Variants in C6 observed in about 807,000 individuals in gnomAD.
The protein encoded by C6 is complement component C6.
Under a neutral mutation model 112.9 loss-of-function variants are expected in C6, and 101 were observed. The ratio of observed to expected loss-of-function variants is 0.89; its 90% CI spans 0.76 to 1.06. The LOEUF (loss-of-function observed/expected upper bound fraction) is 1.06, where lower values mean the gene tolerates loss of function less well. C6 is among the 50% of genes least tolerant of loss of function. The pLI, the probability that C6 is intolerant of heterozygous loss-of-function variation, is 0.00. For synonymous variants in C6, 431 were observed against 384.1 expected, an observed-to-expected ratio of 1.12 and a Z score of -1.43; for missense variants, 1,202 against 1,104.6, an observed-to-expected ratio of 1.09 and a Z score of -1.25.
chr5:41,176,867 T>C, intron 7 of C6, 152 bp from the exon 8 acceptor site: 2 of 799,816 alleles, frequency 2.5e-6, no homozygotes, highest in Non-Finnish European at 3.9e-6. Flanking sequence ...CGTACAAAAT[T>C]ATAATTTTCA....
intron 17 of C6, among the ~76,000 whole-genome samples, chr5:41,149,013 T>C (rs1746115790): frequency 6.6e-6 from 1 of 152,174 alleles, no homozygotes; most frequent in African/African-American, 2.4e-5. Context: ...ACTGATTACA[T>C]ATGCATAGAG....
chr5:41,254,167 C>T (rs974884605), intron 1 of C6, among the ~76,000 whole-genome samples: 2 of 152,088 alleles, frequency 1.3e-5, no homozygotes, highest in African/African-American at 2.4e-5. Context: ...TTTGGGAGGC[C>T]GAGGTGGGTG....
chr5:41,215,866 C>T (rs759685504), upstream of C6, among the ~76,000 whole-genome samples: 3 of 152,070 alleles, frequency 2.0e-5, no homozygotes, highest in Non-Finnish European at 4.4e-5. Flanking sequence ...ACAATGGAAG[C>T]TGCTATCTGA....
chr5:41,201,782 G>C, intron 2 of C6, 68 bp from the exon 3 acceptor site: 1 of 1,343,908 alleles, frequency 7.4e-7, no homozygotes, highest in Non-Finnish European at 1.1e-6. Context: ...CATAATCAAA[G>C]TATCATTGAG....
rs778000002 is a variant in C6, at chr5:41,160,327, G to A, written c.1499C>T (p.Ala500Val). The change falls in exon 11 of 18, where the codon GCA becomes GTA. Residue 500 changes from alanine to valine, a missense_variant. Transcript: ENST00000337836. ...CCTGAGGTTGTTCCGTTTTGTCACTGCACAGGGGATGTTTCTTACCAAGTC... is the reference window on the plus strand; with the variant it reads ...CCTGAGGTTGTTCCGTTTTGTCACTACACAGGGGATGTTTCTTACCAAGTC... ...IVDLVRNIPC[A>V]VTKRNNLRKA... 1.2e-6 allele frequency: 2 copies of A among 1,613,812 alleles called. No individual in the cohort carries two copies. The highest frequency in any genetic ancestry group is 1.7e-6 in the Non-Finnish European group (2 of 1,179,818).
chr5:41,192,147 A>G (rs1750265278), intron 5 of C6, among the ~76,000 whole-genome samples: 1 of 152,176 alleles, frequency 6.6e-6, no homozygotes, highest in African/African-American at 2.4e-5. Context: ...TTCCACAACT[A>G]TTGAGGTGAT....
upstream of C6, among the ~76,000 whole-genome samples, chr5:41,214,683 G>A (rs899037325): frequency 2.0e-5 from 3 of 152,118 alleles, no homozygotes; most frequent in Admixed American, 1.3e-4. Context: ...AAGAATATAT[G>A]TCATTTAATT....
intron 1 of C6, among the ~76,000 whole-genome samples, chr5:41,204,671 T>TTTTC (rs1236402524): frequency 9.0e-6 from 1 of 110,964 alleles, no homozygotes; most frequent in African/African-American, 4.8e-5. Flanking sequence ...TTTTTTTTTC[T>TTTTC]TTTTTTTTTT....
intron 1 of C6, among the ~76,000 whole-genome samples, chr5:41,209,621 T>A (rs1234496219): frequency 1.3e-5 from 2 of 152,144 alleles, no homozygotes; most frequent in South Asian, 4.1e-4. Context: ...TCACAATTGC[T>A]TCAAAGAGAA....
chr5:41,194,198 C>T (rs768903524), intron 5 of C6, among the ~76,000 whole-genome samples: 19 of 152,142 alleles, frequency 1.2e-4, no homozygotes, highest in Non-Finnish European at 2.4e-4. Context: ...AGAAGGAAAC[C>T]ATTTCTGCAC....
intron 9 of C6, among the ~76,000 whole-genome samples, chr5:41,162,828 G>A (rs73750298): frequency 0.022 from 3,285 of 152,172 alleles, 127 homozygotes; most frequent in African/African-American, 0.074. Flanking sequence ...CACAACACAG[G>A]TATAAGGCGT....
intron 8 of C6, 22 bp downstream of exon 8, chr5:41,176,453 A>G (rs998213399): frequency 5.0e-6 from 8 of 1,611,720 alleles, no homozygotes; most frequent in Non-Finnish European, 6.8e-6. Flanking sequence ...AGTTAAAAAG[A>G]GTGAGGACTG....
intron 1 of C6, among the ~76,000 whole-genome samples, chr5:41,243,022 G>C (rs992144448): frequency 3.9e-5 from 6 of 152,272 alleles, no homozygotes; most frequent in Non-Finnish European, 5.9e-5. Context: ...GAAGATAATG[G>C]ATAAAGTATA....
rs775236328 is a variant in C6, at chr5:41,161,785, C to T, written c.1366G>A (p.Ala456Thr). ...AGACCAGAGCTCCCTTTCTCCCATGCCAAAGCTGCTCCATATTCACTCCTT... is the reference window on the plus strand; with the variant it reads ...AGACCAGAGCTCCCTTTCTCCCATGTCAAAGCTGCTCCATATTCACTCCTT... ...GGRSEYGAAL[A>T]WEKGSSGLEE... The change falls in exon 10 of 18, where the codon GCA becomes ACA. Residue 456 changes from alanine (A) to threonine (T), a missense_variant. By Grantham distance (58) the Ala-to-Thr change is moderately conservative (BLOSUM62 0). Transcript: ENST00000337836. The T allele has an allele frequency of 1.1e-5, 18 of 1,613,546 alleles. No individual in the cohort carries two copies. The East Asian group carries it at 4.0e-4, about 36-fold the overall frequency.
chr5:41,171,568 G>A (rs1390860481), intron 9 of C6, among the ~76,000 whole-genome samples: 2 of 152,136 alleles, frequency 1.3e-5, no homozygotes, highest in African/African-American at 4.8e-5. Flanking sequence ...TGTCTGGGTT[G>A]GGGATTGGGA....
Position 41,158,710 on chromosome 5 carries a change from A to G in C6, c.1932T>C (p.Cys644=). The change falls in exon 13 of 18, where the codon TGT becomes TGC. Residue 644 remains cysteine, a synonymous_variant. Coordinates refer to ENST00000337836, the MANE Select transcript of C6 (RefSeq NM_000065.5). ...CATTTTCTGGAGGAACTGGCTGAGGACACCCGGAATCTGCTTCTATCTCAG... is the reference window on the plus strand; with the variant it reads ...CATTTTCTGGAGGAACTGGCTGAGGGCACCCGGAATCTGCTTCTATCTCAG... The part of the protein sequence containing the change: ...DLPEIEADSG[C]PQPVPPENGF... The G allele has an allele frequency of 6.2e-7, 1 of 1,610,898 alleles. No homozygotes were observed. Among genetic ancestry groups the G allele is most frequent in the Admixed American group, 1.7e-5 (1 of 59,946 alleles).
exon 1 of C6, chr5:41,261,304 C>G (rs1742036400): frequency 1.7e-6 from 1 of 577,280 alleles, no homozygotes; most frequent in Non-Finnish European, 2.2e-6. Context: ...AGGAATCTTA[C>G]TATATGATGA....
Position 41,203,059 on chromosome 5 carries a change from CAAAG to C in C6, c.143+25_143+28del, listed in dbSNP as rs758403473. On this transcript the variant is annotated intron_variant, in intron 2 of 17. Transcript: ENST00000337836. Reference sequence around the variant, plus strand: ...TTCATCCTTGAGTCCTTCCAGGACACAAAGAAAAGCCACAAAGCTCACACCCACC... The same window carrying C: ...TTCATCCTTGAGTCCTTCCAGGACACAAAAGCCACAAAGCTCACACCCACC... The C allele has an allele frequency of 3.7e-6, 6 of 1,612,928 alleles. No individual in the cohort carries two copies. The South Asian group carries it at 5.5e-5, about 15-fold the overall frequency.
At chr5:41,196,615 T>C (rs1439211364) in intron 4 of C6, among the ~76,000 whole-genome samples, 2 of 151,444 alleles carry the variant, frequency 1.3e-5, no homozygotes, top group Non-Finnish European at 2.9e-5. Context: ...TATTTTACTA[T>C]ATATAATTAG....
Sources: gnomAD v4.1 joint callset for allele counts (sites outside exome capture counted in the v4.1 genomes callset) on GRCh38, gnomAD v4.1.1 for gene constraint, MANE v1.5 for transcripts, NCBI Gene and HGNC (gene_info 2026-07-23, HGNC 2026-07-21) for gene names.